LGALS3: variants seen among roughly 807,000 people sequenced by gnomAD.
The protein encoded by LGALS3 is galectin 3, also known as galectin-3.
In LGALS3, 18 loss-of-function variants were observed where a neutral mutation model predicts 20.7. That is an observed-to-expected ratio of 0.87 (90% CI 0.60 to 1.29). The LOEUF is 1.29. LGALS3 is among the 50% of genes most tolerant of loss of function. The pLI, the probability that LGALS3 is intolerant of heterozygous loss-of-function variation, is 0.00. For missense variants in LGALS3, 315 were observed against 314.7 expected, an observed-to-expected ratio of 1.00 and a Z score of -0.01; for synonymous variants, 112 against 119.6, an observed-to-expected ratio of 0.94 and a Z score of 0.42.
chr14:55,142,901 C>T, intron 5 of LGALS3, 152 bp downstream of exon 5: 3 of 593,018 alleles, frequency 5.1e-6, no homozygotes, highest in Non-Finnish European at 5.8e-6. Flanking sequence ...CCAGGCTCAG[C>T]AGGCTGAGAA....
At chr14:55,137,096 T>TGGGGCAGTTAGTGGGGACAG (rs1481233972) in intron 1 of LGALS3, 9 of 548,802 alleles carry the variant, frequency 1.6e-5, no homozygotes, top group Non-Finnish European at 2.9e-5. Flanking sequence ...GAGTAGGGGA[T>TGGGGCAGTTAGTGGGGACAG]GGGGCAGTTA....
At chr14:55,143,990 C>T (rs116032533) in intron 5 of LGALS3, among the ~76,000 whole-genome samples, 1,599 of 151,666 alleles carry the variant, frequency 0.011, 35 homozygotes, top group African/African-American at 0.037. Flanking sequence ...TGTCAAATTG[C>T]TGCTTCCAAA....
chr14:55,130,271 G>A (rs1566779347), intron 1 of LGALS3, among the ~76,000 whole-genome samples: 1 of 152,206 alleles, frequency 6.6e-6, no homozygotes, highest in South Asian at 2.1e-4. Flanking sequence ...AGGGAGTCGG[G>A]GACGCATGGT....
chr14:55,141,007 A>G (rs748904168), intron 4 of LGALS3, among the ~76,000 whole-genome samples: 1 of 152,182 alleles, frequency 6.6e-6, no homozygotes, highest in Non-Finnish European at 1.5e-5. Context: ...GCCTGCCCCT[A>G]AGGTTAGTGG....
chr14:55,137,304 G>T, intron 1 of LGALS3, 66 bp from the exon 2 acceptor site: 1 of 1,419,146 alleles, frequency 7.0e-7, no homozygotes, highest in Non-Finnish European at 1.0e-6. Flanking sequence ...AACTAGTGGT[G>T]AGGTTCAGTT....
intron 5 of LGALS3, among the ~76,000 whole-genome samples, chr14:55,143,283 T>C (rs71412667): frequency 1.6e-4 from 24 of 152,204 alleles, no homozygotes; most frequent in Non-Finnish European, 3.1e-4. Flanking sequence ...TTCAACAAAT[T>C]AGATCCACAG....
Position 55,145,234 on chromosome 14 carries a change from A to T in LGALS3, c.716A>T (p.Asp239Val). ...NEISKLGISG[D>V]IDLTSASYTM... Reference sequence around the variant, plus strand: ...ATCAGCAAACTGGGAATTTCTGGTGACATAGACCTCACCAGTGCTTCATAT... The same window carrying T: ...ATCAGCAAACTGGGAATTTCTGGTGTCATAGACCTCACCAGTGCTTCATAT... The change falls in exon 6 of 6, where the codon GAC becomes GTC. Residue 239 changes from aspartate to valine, a missense_variant. Transcript: ENST00000254301. 6.2e-7 allele frequency: 1 copy of T among 1,614,020 alleles called. No individual in the cohort carries two copies. Among genetic ancestry groups the T allele is most frequent in the Admixed American group, 1.7e-5 (1 of 60,012 alleles).
At chr14:55,131,778 G>A (rs1241100858) in intron 1 of LGALS3, among the ~76,000 whole-genome samples, 1 of 152,224 alleles carries the variant, frequency 6.6e-6, no homozygotes, top group Non-Finnish European at 1.5e-5. Context: ...TCAGTCATGA[G>A]AAGCAGAAAG....
intron 2 of LGALS3, 83 bp downstream of exon 2, chr14:55,137,474 C>T (rs1881441883): frequency 6.2e-7 from 1 of 1,613,644 alleles, no homozygotes; most frequent in Non-Finnish European, 8.5e-7. Context: ...CATGACTTTC[C>T]CTTTTCACTC....
chr14:55,143,192 C>T (rs1775769210), intron 5 of LGALS3, among the ~76,000 whole-genome samples: 1 of 152,148 alleles, frequency 6.6e-6, no homozygotes, highest in Admixed American at 6.5e-5. Flanking sequence ...CTCCTTCCCC[C>T]ATCCTCACAA....
intron 1 of LGALS3, among the ~76,000 whole-genome samples, chr14:55,136,012 A>G (rs1356948735): frequency 1.3e-5 from 2 of 152,238 alleles, no homozygotes; most frequent in African/African-American, 4.8e-5. Context: ...AATTCAGGCC[A>G]TGGCACAGGT....
intron 1 of LGALS3, among the ~76,000 whole-genome samples, chr14:55,132,138 C>G (rs1881250692): frequency 6.6e-6 from 1 of 152,196 alleles, no homozygotes; most frequent in South Asian, 2.1e-4. Flanking sequence ...GATAGCTACT[C>G]TTTGTTAAAG....
intron 1 of LGALS3, chr14:55,137,162 T>G (rs933729608): frequency 1.7e-5 from 11 of 630,884 alleles, no homozygotes; most frequent in Non-Finnish European, 2.9e-5. Flanking sequence ...GTGACGGAAG[T>G]TTAAACTTGT....
Position 55,138,032 on chromosome 14 carries a change from T to A in LGALS3, c.19-13T>A. ...GCTTTCTGTCCCGTAATTGTGTATGTCTTTCTTTCCAGCTCCATGATGCGT... is the reference window on the plus strand; with the variant it reads ...GCTTTCTGTCCCGTAATTGTGTATGACTTTCTTTCCAGCTCCATGATGCGT... On this transcript the variant is annotated splice_polypyrimidine_tract_variant and intron_variant, in intron 2 of 5. Transcript: ENST00000254301. 6.7e-7 allele frequency: 1 copy of A among 1,492,946 alleles called. No homozygotes were observed. Among genetic ancestry groups the A allele is most frequent in the Non-Finnish European group, 8.9e-7 (1 of 1,121,578 alleles). The allele number at this position is 1,492,946 out of a possible 1,614,324, so 92.5% of individuals were successfully genotyped here.
chr14:55,130,750 TGGTGGGGG>T (rs893752337), intron 1 of LGALS3, among the ~76,000 whole-genome samples: 8 of 46,174 alleles, frequency 1.7e-4, no homozygotes, highest in African/African-American at 6.5e-4. Flanking sequence ...GTGGTGGTGG[TGGTGGGGG>T]GGGGGGGGTC....
chr14:55,140,426 CCTA>C (rs1400714416), intron 4 of LGALS3, 63 bp downstream of exon 4: 4 of 1,058,318 alleles, frequency 3.8e-6, no homozygotes, highest in Admixed American at 2.2e-5. Flanking sequence ...TAAAGAATGG[CCTA>C]CTTTTTTTCT....
At chr14:55,139,503 G>A (rs1289512458) in intron 3 of LGALS3, among the ~76,000 whole-genome samples, 2 of 152,226 alleles carry the variant, frequency 1.3e-5, no homozygotes, top group African/African-American at 4.8e-5. Context: ...GCTCATGCCT[G>A]TAATCCCACC....
intron 3 of LGALS3, 143 bp from the exon 4 acceptor site, chr14:55,140,132 T>C: frequency 1.9e-6 from 1 of 521,342 alleles, no homozygotes; most frequent in South Asian, 3.0e-5. Context: ...CTGGGCAAAG[T>C]GGCCTGAGAG....
At chr14:55,139,825 C>CAT (rs1040821503) in intron 3 of LGALS3, among the ~76,000 whole-genome samples, 3 of 152,106 alleles carry the variant, frequency 2.0e-5, no homozygotes, top group African/African-American at 7.2e-5. Context: ...GAGTATCTGC[C>CAT]ATATGCAAAG....
Sources: allele counts gnomAD v4.1 joint callset (sites outside exome capture counted in the v4.1 genomes callset), GRCh38; gene constraint gnomAD v4.1.1; transcripts MANE v1.5; gene names NCBI Gene and HGNC (gene_info 2026-07-23, HGNC 2026-07-21).